The following MBD5 variants were observed in gnomAD, a reference collection of about 807,000 sequenced individuals.
MBD5 encodes methyl-CpG binding domain protein 5, also known as methyl-CpG-binding domain protein 5.
MBD5 carries 13 observed loss-of-function variants against 117.3 expected under a neutral mutation model. The ratio of observed to expected loss-of-function variants is 0.11; its 90% confidence interval spans 0.07 to 0.18. The LOEUF is 0.18. Ranked by LOEUF, MBD5 falls within the 10% of genes least tolerant of loss-of-function variation. The pLI, the probability that MBD5 is intolerant of heterozygous loss-of-function variation, is 1.00. For synonymous variants in MBD5, 727 were observed against 766.4 expected, an observed-to-expected ratio of 0.95 and a Z score of 0.85; for missense variants, 1,879 against 2,093.8, an observed-to-expected ratio of 0.90 and a Z score of 2.00.
chr2:148,288,426 A>G (rs1168718886), intron 3 of MBD5, among the ~76,000 whole-genome samples: 1 of 146,282 alleles, frequency 6.8e-6, no homozygotes, highest in Non-Finnish European at 1.5e-5. Flanking sequence ...TGATTTCTTC[A>G]CAGTAATAAG....
At chr2:148,509,493 T>TG (rs1279237727) in intron 12 of MBD5, among the ~76,000 whole-genome samples, 2 of 152,286 alleles carry the variant, frequency 1.3e-5, no homozygotes, top group Non-Finnish European at 2.9e-5. Flanking sequence ...CTTTTGGCCC[T>TG]GGGGGGCAGG....
intron 1 of MBD5, among the ~76,000 whole-genome samples, chr2:148,122,675 C>T (rs183068042): frequency 4.6e-5 from 7 of 152,222 alleles, no homozygotes; most frequent in Middle Eastern, 3.4e-3. Flanking sequence ...ACGAAACTAA[C>T]GGATACCATT....
chr2:148,461,212 C>T (rs937863994), intron 5 of MBD5, among the ~76,000 whole-genome samples: 9 of 152,110 alleles, frequency 5.9e-5, no homozygotes, highest in Admixed American at 2.0e-4. Context: ...GGTTTACAGG[C>T]GTGAGCCACT....
intron 1 of MBD5, chr2:148,026,596 C>T (rs1233251062): frequency 6.6e-6 from 1 of 152,094 alleles, no homozygotes; most frequent in East Asian, 1.9e-4. Context: ...GCAATCCAGC[C>T]TAGGCCACAG....
At chr2:148,294,091 T>C (rs986935945) in intron 3 of MBD5, among the ~76,000 whole-genome samples, 5 of 152,204 alleles carry the variant, frequency 3.3e-5, no homozygotes, top group Admixed American at 2.0e-4. Context: ...TTAGTACTTC[T>C]TGTCATGTAG....
At chr2:148,178,357 A>G (rs1336383675) in intron 1 of MBD5, among the ~76,000 whole-genome samples, 4 of 152,186 alleles carry the variant, frequency 2.6e-5, no homozygotes, top group Non-Finnish European at 5.9e-5. Context: ...TATTTTTTAG[A>G]ATGGGGCTCT....
At chr2:148,292,157 A>G (rs1701514457) in intron 3 of MBD5, among the ~76,000 whole-genome samples, 1 of 152,240 alleles carries the variant, frequency 6.6e-6, no homozygotes, top group African/African-American at 2.4e-5. Flanking sequence ...TGATCTGGGC[A>G]AATATTTCTT....
chr2:148,095,608 A>G (rs1383975918), intron 1 of MBD5, among the ~76,000 whole-genome samples: 1 of 152,178 alleles, frequency 6.6e-6, no homozygotes, highest in Non-Finnish European at 1.5e-5. Flanking sequence ...ATTTAACATT[A>G]TAAAGTATTG....
At chr2:148,271,333 G>A (rs1007126336) in intron 3 of MBD5, among the ~76,000 whole-genome samples, 4 of 152,120 alleles carry the variant, frequency 2.6e-5, no homozygotes, top group Non-Finnish European at 5.9e-5. Context: ...AGAGAATTAT[G>A]TTCTCTGTTA....
intron 3 of MBD5, among the ~76,000 whole-genome samples, chr2:148,238,889 A>G (rs1700148525): frequency 6.6e-6 from 1 of 152,048 alleles, no homozygotes; most frequent in South Asian, 2.1e-4. Flanking sequence ...CCTCATCTTA[A>G]TTACATCTAT....
intron 7 of MBD5, among the ~76,000 whole-genome samples, chr2:148,467,949 C>A (rs1291883893): frequency 6.6e-6 from 1 of 152,066 alleles, no homozygotes; most frequent in Non-Finnish European, 1.5e-5. Flanking sequence ...AATTCTAAAT[C>A]CAACAAAATA....
intron 1 of MBD5, among the ~76,000 whole-genome samples, chr2:148,093,979 C>A (rs60114880): frequency 0.053 from 8,019 of 152,174 alleles, 244 homozygotes; most frequent in African/African-American, 0.078. Context: ...ATTTTCATAA[C>A]AATTCTTGGA....
At chr2:148,055,016 G>T (rs372519268) in intron 1 of MBD5, 4 of 152,210 alleles carry the variant, frequency 2.6e-5, no homozygotes, top group African/African-American at 9.6e-5. Context: ...TTCCCCAATT[G>T]CTAATGAGAT....
chr2:148,193,158 C>A (rs1366305533), intron 2 of MBD5, among the ~76,000 whole-genome samples: 5 of 71,290 alleles, frequency 7.0e-5, no homozygotes, highest in East Asian at 4.6e-4. Context: ...TAGGAAGAAT[C>A]AATATTGTGA....
At chr2:148,385,078 A>G (rs950166253) in intron 4 of MBD5, among the ~76,000 whole-genome samples, 2 of 152,208 alleles carry the variant, frequency 1.3e-5, no homozygotes, top group African/African-American at 4.8e-5. Context: ...CTAAAACACC[A>G]AAAGCAATGG....
chr2:148,466,559 A>G (rs537455195), intron 7 of MBD5, among the ~76,000 whole-genome samples: 138 of 152,298 alleles, frequency 9.1e-4, no homozygotes, highest in African/African-American at 3.2e-3. Flanking sequence ...CAGTCATAGG[A>G]TAATGCTAAT....
At chr2:148,418,395 AG>A (rs1705492484) in intron 4 of MBD5, among the ~76,000 whole-genome samples, 1 of 152,192 alleles carries the variant, frequency 6.6e-6, no homozygotes, top group African/African-American at 2.4e-5. Flanking sequence ...AAATAAATAA[AG>A]GGTATTCAAA....
chr2:148,390,754 G>A (rs1228323063), intron 4 of MBD5, among the ~76,000 whole-genome samples: 1 of 151,780 alleles, frequency 6.6e-6, no homozygotes, highest in African/African-American at 2.4e-5. Context: ...TTGTAGAGAT[G>A]GAGTTTCACC....
chr2:148,327,091 T>G (rs1416937592), intron 3 of MBD5, among the ~76,000 whole-genome samples: 3 of 152,066 alleles, frequency 2.0e-5, no homozygotes, highest in Non-Finnish European at 4.4e-5. Flanking sequence ...CTCCATCACT[T>G]ATGAAGCTTA....
Sources: allele counts gnomAD v4.1 joint callset (sites outside exome capture counted in the v4.1 genomes callset), GRCh38; gene constraint gnomAD v4.1.1; transcripts MANE v1.5; gene names NCBI Gene and HGNC (gene_info 2026-07-23, HGNC 2026-07-21).